RBL1: variants seen among roughly 807,000 people sequenced by gnomAD.
RBL1 encodes the protein retinoblastoma-like protein 1.
RBL1 carries 82 observed loss-of-function variants against 123.0 expected under a neutral mutation model. That is an observed-to-expected ratio of 0.67 (90% CI 0.56 to 0.80). RBL1 has a LOEUF of 0.80. RBL1 is among the 30% of genes least tolerant of loss of function. The probability of loss-of-function intolerance (pLI) is 0.00; values close to 1 mark genes in which losing one functional copy is unlikely to be tolerated. For synonymous variants in RBL1, 405 were observed against 441.3 expected (o/e 0.92, Z 1.03); for missense variants, 1,171 against 1,299.6 (o/e 0.90, Z 1.52).
chr20:37,050,433 T>A (rs2064889388), intron 11 of RBL1, among the ~76,000 whole-genome samples: 1 of 149,020 alleles, frequency 6.7e-6, no homozygotes, highest in African/African-American at 2.5e-5. Flanking sequence ...TAGTACCAGC[T>A]ACTTGGGAGG....
intron 2 of RBL1, among the ~76,000 whole-genome samples, chr20:37,070,439 C>A (rs570343649): frequency 1.3e-5 from 2 of 151,664 alleles, no homozygotes; most frequent in Admixed American, 1.3e-4. Context: ...AAATCCCCCT[C>A]TGTGAGAAAC....
chr20:37,011,876 C>G (rs916998005), intron 19 of RBL1, among the ~76,000 whole-genome samples: 1 of 152,292 alleles, frequency 6.6e-6, no homozygotes, highest in East Asian at 1.9e-4. Flanking sequence ...CACTCCCTCT[C>G]CCCACGGTCT....
intron 21 of RBL1, among the ~76,000 whole-genome samples, chr20:37,001,920 A>T (rs1266690343): frequency 5.8e-4 from 32 of 54,860 alleles, no homozygotes; most frequent in African/African-American, 3.2e-3. Context: ...CAGAACAATA[A>T]AAAAAAAAAA....
intron 1 of RBL1, among the ~76,000 whole-genome samples, chr20:37,090,183 A>G (rs1025654554): frequency 6.6e-6 from 1 of 152,274 alleles, no homozygotes; most frequent in Non-Finnish European, 1.5e-5. Context: ...TGTTCAGTAC[A>G]GAAACATGCT....
rs997034296 is a variant in RBL1, at chr20:37,032,664, C to T, written c.2382+1G>A. Reference sequence around the variant, plus strand: ...TTCTAAAGTGCTATAAAAACACATACCTTTCTGTAAAATAGTGCTAAGGAC... The same window carrying T: ...TTCTAAAGTGCTATAAAAACACATATCTTTCTGTAAAATAGTGCTAAGGAC... On this transcript the variant is annotated splice_donor_variant, in intron 16 of 21. Transcript: ENST00000373664. LOFTEE classifies it high-confidence loss of function. The T allele has an allele frequency of 3.1e-6, 5 of 1,613,688 alleles. No homozygotes were observed. The African/African-American group carries it at 5.3e-5, about 17-fold the overall frequency.
At chr20:37,072,896 C>A (rs971116531) in intron 2 of RBL1, among the ~76,000 whole-genome samples, 7 of 152,140 alleles carry the variant, frequency 4.6e-5, no homozygotes, top group Admixed American at 2.0e-4. Context: ...TTAAGTCATC[C>A]TAAAGATTTT....
In RBL1 at chr20:37,061,116, TAA is replaced by T. The variant is rs780881203; in HGVS notation, c.1235_1236del (p.Leu412HisfsTer5). ...AGLKNAPSDQ[L>X]INIFESCVRN... ...TATTGTACATACTCAAAAATATTTATAAGTTGGTCACTTGGTGCATTTTTCAG... is the reference window on the plus strand; with the variant it reads ...TATTGTACATACTCAAAAATATTTATGTTGGTCACTTGGTGCATTTTTCAG... On this transcript the variant is annotated frameshift_variant, in exon 9 of 22. Transcript: ENST00000373664. LOFTEE classifies it high-confidence loss of function. 1 of 1,606,194 alleles carries T rather than the reference TAA, an allele frequency of 6.2e-7. No homozygotes were observed. The highest frequency in any genetic ancestry group is 1.1e-5 in the South Asian group (1 of 89,536).
intron 1 of RBL1, 106 bp from the exon 2 acceptor site, chr20:37,089,228 T>C (rs913073159): frequency 1.2e-4 from 138 of 1,145,724 alleles, no homozygotes; most frequent in Middle Eastern, 8.5e-4. Context: ...TTTCCTTATG[T>C]AGATAAAGGG....
At chr20:37,077,564 G>A (rs76296306) in intron 2 of RBL1, among the ~76,000 whole-genome samples, 18,281 of 152,094 alleles carry the variant, frequency 0.12, 1,152 homozygotes, top group African/African-American at 0.15. Flanking sequence ...TCAAAGTGCA[G>A]TCTCCAACAT....
intron 2 of RBL1, among the ~76,000 whole-genome samples, chr20:37,073,705 G>GAAAAAAAAAAAAA (rs796752326): frequency 5.8e-5 from 6 of 103,138 alleles, no homozygotes; most frequent in East Asian, 3.1e-4. Context: ...CTCAAAAAAA[G>GAAAAAAAAAAAAA]AAAAAAAAAA....
intron 2 of RBL1, among the ~76,000 whole-genome samples, chr20:37,077,576 G>T (rs2065384771): frequency 6.6e-6 from 1 of 151,914 alleles, no homozygotes; most frequent in African/African-American, 2.4e-5. Context: ...CTCCAACATG[G>T]GGCCTACCCC....
intron 2 of RBL1, among the ~76,000 whole-genome samples, chr20:37,082,768 G>T (rs1378089114): frequency 6.6e-6 from 1 of 152,106 alleles, no homozygotes; most frequent in Non-Finnish European, 1.5e-5. Flanking sequence ...AGGCGAAGAT[G>T]GGTGGATCAC....
chr20:37,048,136 G>A (rs1199099505), intron 11 of RBL1, among the ~76,000 whole-genome samples: 1 of 152,148 alleles, frequency 6.6e-6, no homozygotes, highest in Non-Finnish European at 1.5e-5. Context: ...CAGCAGAAGG[G>A]ACGATGATCA....
chr20:37,079,211 A>G (rs1340062155), intron 2 of RBL1, among the ~76,000 whole-genome samples: 1 of 151,834 alleles, frequency 6.6e-6, no homozygotes, highest in African/African-American at 2.4e-5. Flanking sequence ...GCCAAAAAAA[A>G]AAAAAAAAAA....
At chr20:37,055,748 C>T (rs2064993367) in intron 10 of RBL1, 92 bp from the exon 11 acceptor site, 3 of 1,217,328 alleles carry the variant, frequency 2.5e-6, no homozygotes, top group Non-Finnish European at 3.4e-6. Context: ...AAATCTGATA[C>T]ATTAAGAATA....
In RBL1 at chr20:36,996,374, A is replaced by T. The variant is rs1260737700; in HGVS notation, c.*2385T>A. 1.3e-5 allele frequency: 2 copies of T among 152,148 alleles called. No homozygotes were observed. The highest frequency in any genetic ancestry group is 4.8e-5 in the African/African-American group (2 of 41,436). 9.4% of individuals were successfully genotyped at this position (152,148 alleles called of 1,614,324 possible). On this transcript the variant is annotated 3_prime_UTR_variant, in exon 22 of 22. Transcript: ENST00000373664. ...TTTTTTTTCAATAATCTCAATTCCA[A>T]TTTTTATTAGCCATTCTATGTACAT...
chr20:37,054,636 C>G (rs923479827), intron 11 of RBL1, among the ~76,000 whole-genome samples: 1 of 151,910 alleles, frequency 6.6e-6, no homozygotes, highest in Non-Finnish European at 1.5e-5. Context: ...TCGAGACCAG[C>G]CTGGCTAACA....
intron 11 of RBL1, among the ~76,000 whole-genome samples, chr20:37,048,350 G>A (rs1191934879): frequency 6.6e-6 from 1 of 152,106 alleles, no homozygotes; most frequent in South Asian, 2.1e-4. Flanking sequence ...GGAATCTACA[G>A]GATTATTCTC....
At chr20:37,074,043 G>A (rs555704293) in intron 2 of RBL1, among the ~76,000 whole-genome samples, 137 of 152,052 alleles carry the variant, frequency 9.0e-4, no homozygotes, top group African/African-American at 3.1e-3. Flanking sequence ...CCCAGGAGGC[G>A]GAGCTTGCAG....
Sources: gnomAD v4.1 joint callset for allele counts (sites outside exome capture counted in the v4.1 genomes callset) on GRCh38, gnomAD v4.1.1 for gene constraint, MANE v1.5 for transcripts, NCBI Gene and HGNC (gene_info 2026-07-23, HGNC 2026-07-21) for gene names.